Variants in SYT1 observed in about 807,000 individuals in gnomAD.
SYT1 encodes the protein synaptotagmin 1.
In SYT1, 8 loss-of-function variants were observed where a neutral mutation model predicts 44.8. The observed-to-expected ratio is 0.18, with a 90% CI of 0.10 to 0.32. The LOEUF (loss-of-function observed/expected upper bound fraction) is 0.32. Among genes scored for constraint, SYT1 ranks in the 10% least tolerant of loss-of-function variants. The pLI is 1.00. For missense variants in SYT1, 286 were observed against 509.3 expected (o/e 0.56, Z 4.22); for synonymous variants, 154 against 188.8 (o/e 0.82, Z 1.51).
intron 1 of SYT1, among the ~76,000 whole-genome samples, chr12:78,893,144 T>C (rs552355967): frequency 5.3e-4 from 81 of 151,756 alleles, no homozygotes; most frequent in Non-Finnish European, 1.0e-3. Context: ...TGAAAACCAA[T>C]TCCTGGGAAT....
At chr12:79,196,209 C>A (rs188566385) in intron 3 of SYT1, among the ~76,000 whole-genome samples, 1 of 152,034 alleles carries the variant, frequency 6.6e-6, no homozygotes, top group African/African-American at 2.4e-5. Flanking sequence ...CCCTCTGTCA[C>A]CAGGCTGGAG....
Position 79,025,058 on chromosome 12 carries a change from G to A in SYT1, c.-83-22239G>A, listed in dbSNP as rs373636003. 2.0e-4 allele frequency among the ~76,000 whole-genome samples: 30 copies of A among 151,870 alleles called. 1 individual carries two copies. The highest frequency in any genetic ancestry group is 7.2e-4 in the African/African-American group (30 of 41,494). On this transcript the variant is annotated intron_variant, in intron 2 of 10. Transcript: ENST00000261205. ...ATACATTCATGAGCAAAAGCTTACA[G>A]ATGTATACATTAATGAACTAATTAT...
intron 3 of SYT1, among the ~76,000 whole-genome samples, chr12:79,179,500 G>C (rs1354306609): frequency 3.8e-5 from 4 of 104,208 alleles, no homozygotes; most frequent in African/African-American, 1.3e-4. Context: ...TATCTATATA[G>C]ATATAGATAT....
At chr12:79,331,987 T>G (rs1486271784) in intron 8 of SYT1, among the ~76,000 whole-genome samples, 1 of 152,142 alleles carries the variant, frequency 6.6e-6, no homozygotes, top group East Asian at 1.9e-4. Flanking sequence ...CCATCACAAA[T>G]AAGGAGGAAA....
chr12:79,125,403 G>A lies in SYT1; in HGVS notation c.-18+78041G>A, dbSNP rs1680563513. ...AGGCAGGAGGATCACTTTAACCCAGGAGTTCAAGACCAGCCTGGGAAACAT... is the reference window on the plus strand; with the variant it reads ...AGGCAGGAGGATCACTTTAACCCAGAAGTTCAAGACCAGCCTGGGAAACAT... On this transcript the variant is annotated intron_variant, in intron 3 of 10. Transcript: ENST00000261205. Among the ~76,000 whole-genome samples the A allele has an allele frequency of 6.1e-5, 9 of 148,036 alleles. No homozygotes were observed. In the Admixed American group the frequency reaches 6.1e-4, roughly 10 times the overall value.
intron 8 of SYT1, among the ~76,000 whole-genome samples, chr12:79,303,319 T>G (rs1880237077): frequency 6.6e-6 from 1 of 152,136 alleles, no homozygotes; most frequent in Admixed American, 6.5e-5. Context: ...TTTATAAAGT[T>G]TATTTTTATC....
At chr12:79,217,284 C>T (rs1874865354) in intron 3 of SYT1, among the ~76,000 whole-genome samples, 1 of 152,172 alleles carries the variant, frequency 6.6e-6, no homozygotes, top group African/African-American at 2.4e-5. Context: ...GAATGCTATT[C>T]AGTAACTATG....
intron 2 of SYT1, among the ~76,000 whole-genome samples, chr12:79,037,876 G>C (rs1043401804): frequency 6.6e-6 from 1 of 151,744 alleles, no homozygotes; most frequent in Non-Finnish European, 1.5e-5. Context: ...TTCTATAGCT[G>C]TAGACACAAT....
intron 8 of SYT1, among the ~76,000 whole-genome samples, chr12:79,330,010 G>A (rs78360881): frequency 1.0e-3 from 156 of 152,240 alleles, no homozygotes; most frequent in East Asian, 9.3e-3. Flanking sequence ...TATAAGGAGA[G>A]AGGAATAAAT....
At chr12:79,160,916 C>T (rs1030088230) in intron 3 of SYT1, among the ~76,000 whole-genome samples, 4 of 152,050 alleles carry the variant, frequency 2.6e-5, no homozygotes, top group African/African-American at 4.8e-5. Flanking sequence ...TGACAGACTG[C>T]ATTTATGATA....
chr12:79,432,827 T>C (rs568521798), intron 9 of SYT1, among the ~76,000 whole-genome samples: 17 of 152,262 alleles, frequency 1.1e-4, no homozygotes, highest in African/African-American at 3.9e-4. Flanking sequence ...TTGGCCAGGC[T>C]GGTTTCGAAC....
intron 1 of SYT1, among the ~76,000 whole-genome samples, chr12:78,931,226 A>G (rs1449070218): frequency 3.2e-4 from 19 of 59,864 alleles, no homozygotes; most frequent in African/African-American, 1.2e-3. Flanking sequence ...AAAGAAAGAA[A>G]GAAAGAAAGA....
At chr12:78,991,883 T>G (rs753086630) in intron 2 of SYT1, among the ~76,000 whole-genome samples, 3 of 152,172 alleles carry the variant, frequency 2.0e-5, no homozygotes, top group Non-Finnish European at 2.9e-5. Context: ...AATTACTGTT[T>G]GAAAAAAGAC....
chr12:79,394,163 T>G (rs1384955003), intron 9 of SYT1, among the ~76,000 whole-genome samples: 1 of 152,190 alleles, frequency 6.6e-6, no homozygotes, highest in Non-Finnish European at 1.5e-5. Flanking sequence ...TTACTTAAAA[T>G]CAGACAAATA....
chr12:78,991,615 AC>A (rs1259833248), intron 2 of SYT1, among the ~76,000 whole-genome samples: 1 of 152,170 alleles, frequency 6.6e-6, no homozygotes, highest in East Asian at 1.9e-4. Context: ...AAGATGTGGC[AC>A]TATTTAAAAT....
chr12:79,257,315 A>G (rs547589426), intron 4 of SYT1, among the ~76,000 whole-genome samples: 4 of 152,340 alleles, frequency 2.6e-5, no homozygotes, highest in African/African-American at 7.2e-5. Context: ...TCATGTATTG[A>G]GGCTAAATGA....
At chr12:79,121,872 T>G (rs750888369) in intron 3 of SYT1, among the ~76,000 whole-genome samples, 23 of 152,242 alleles carry the variant, frequency 1.5e-4, no homozygotes, top group Non-Finnish European at 2.9e-4. Context: ...AAATAGTAGA[T>G]GTAATTCAAT....
intron 7 of SYT1, among the ~76,000 whole-genome samples, chr12:79,297,878 C>A (rs572841700): frequency 3.9e-5 from 6 of 152,122 alleles, no homozygotes; most frequent in Non-Finnish European, 7.4e-5. Context: ...AATTCATCTT[C>A]TTTTCCCCCA....
intron 2 of SYT1, among the ~76,000 whole-genome samples, chr12:79,035,948 AC>A (rs1336069148): frequency 7.0e-5 from 10 of 143,802 alleles, no homozygotes; most frequent in African/African-American, 2.7e-4. Context: ...AAACAAACAA[AC>A]AAAAAAAAAA....
Sources: gnomAD v4.1 joint callset for allele counts (sites outside exome capture counted in the v4.1 genomes callset) on GRCh38, gnomAD v4.1.1 for gene constraint, MANE v1.5 for transcripts, NCBI Gene and HGNC (gene_info 2026-07-23, HGNC 2026-07-21) for gene names.